Variants in SSBP3 observed in about 807,000 individuals in gnomAD.
The protein encoded by SSBP3 is single stranded DNA binding protein 3.
Under a neutral mutation model 69.6 loss-of-function variants are expected in SSBP3, and 5 were observed. The observed-to-expected ratio is 0.07, with a 90% confidence interval of 0.04 to 0.15. The LOEUF is 0.15. Ranked by LOEUF, SSBP3 falls within the 10% of genes least tolerant of loss-of-function variation. The pLI is 1.00. For synonymous variants in SSBP3, 196 were observed against 193.4 expected, an observed-to-expected ratio of 1.01 and a Z score of -0.11; for missense variants, 312 against 534.0, an observed-to-expected ratio of 0.58 and a Z score of 4.10.
chr1:54,394,744 C>A (rs999623938), intron 4 of SSBP3, among the ~76,000 whole-genome samples: 13 of 148,516 alleles, frequency 8.8e-5, no homozygotes, highest in African/African-American at 3.2e-4. Flanking sequence ...GCTCTGTCCC[C>A]CATGCTGGAG....
intron 4 of SSBP3, among the ~76,000 whole-genome samples, chr1:54,320,948 T>C (rs1646201459): frequency 6.6e-6 from 1 of 152,198 alleles, no homozygotes; most frequent in South Asian, 2.1e-4. Flanking sequence ...CAGGAAAGCT[T>C]TGCTGGGAAA....
At chr1:54,243,699 C>T (rs576839888) in intron 9 of SSBP3, among the ~76,000 whole-genome samples, 7 of 152,064 alleles carry the variant, frequency 4.6e-5, no homozygotes, top group Non-Finnish European at 8.8e-5. Flanking sequence ...GGCAGGGAGG[C>T]GAGGGGTGAG....
chr1:54,320,442 C>T (rs552753411), intron 4 of SSBP3, among the ~76,000 whole-genome samples: 2 of 152,206 alleles, frequency 1.3e-5, no homozygotes, highest in African/African-American at 4.8e-5. Flanking sequence ...CTCAGCCTCC[C>T]GAGTAGATGG....
At chr1:54,263,461 A>G (rs1023763932) in intron 5 of SSBP3, among the ~76,000 whole-genome samples, 2 of 152,162 alleles carry the variant, frequency 1.3e-5, no homozygotes, top group Non-Finnish European at 2.9e-5. Context: ...GGAAATGAGG[A>G]CTATTCCACA....
At chr1:54,305,680 A>G (rs1645887760) in intron 4 of SSBP3, among the ~76,000 whole-genome samples, 1 of 150,898 alleles carries the variant, frequency 6.6e-6, no homozygotes, top group African/African-American at 2.4e-5. Flanking sequence ...CCAGGCTGGT[A>G]CTTCTGAGCT....
chr1:54,356,514 G>A (rs1353946700), intron 4 of SSBP3: 1 of 152,228 alleles, frequency 6.6e-6, no homozygotes, highest in Admixed American at 6.5e-5. Flanking sequence ...GTGCCCTTGT[G>A]CTACAGAACA....
At chr1:54,255,578 G>C (rs1054069129) in intron 7 of SSBP3, 1 of 152,222 alleles carries the variant, frequency 6.6e-6, no homozygotes, top group African/African-American at 2.4e-5. Flanking sequence ...ACTTTGGGAA[G>C]TCACTCCTCC....
intron 14 of SSBP3, 171 bp downstream of exon 14, chr1:54,238,958 T>C (rs1237106361): frequency 7.4e-6 from 3 of 405,656 alleles, no homozygotes; most frequent in Non-Finnish European, 1.5e-5. Flanking sequence ...CTGCCGCCCA[T>C]GAAATGGGAA....
chr1:54,316,368 G>A (rs1240821765), intron 4 of SSBP3, among the ~76,000 whole-genome samples: 4 of 147,756 alleles, frequency 2.7e-5, no homozygotes, highest in East Asian at 2.1e-4. Context: ...GGCCGGGCGC[G>A]GTGGCTCACG....
chr1:54,234,790 G>A (rs1306304123), intron 14 of SSBP3, among the ~76,000 whole-genome samples: 2 of 151,294 alleles, frequency 1.3e-5, no homozygotes, highest in Non-Finnish European at 2.9e-5. Context: ...AAGAGATGGA[G>A]TCTGGCTCTG....
intron 4 of SSBP3, among the ~76,000 whole-genome samples, chr1:54,380,206 G>A (rs1387191805): frequency 6.6e-6 from 1 of 152,186 alleles, no homozygotes; most frequent in African/African-American, 2.4e-5. Flanking sequence ...CAGAGCAGCG[G>A]ACGCCACTGT....
chr1:54,239,465 C>T (rs895995117), intron 13 of SSBP3, among the ~76,000 whole-genome samples: 10 of 152,202 alleles, frequency 6.6e-5, no homozygotes, highest in African/African-American at 9.6e-5. Context: ...CACCCCACAC[C>T]GAATCTGGTC....
At chr1:54,266,567 G>A (rs975708978) in intron 5 of SSBP3, among the ~76,000 whole-genome samples, 15 of 152,070 alleles carry the variant, frequency 9.9e-5, no homozygotes, top group African/African-American at 3.4e-4. Context: ...CAAGACTGAA[G>A]AGGGAAAAAA....
Position 54,258,046 on chromosome 1 carries a change from C to T in SSBP3, c.447+23G>A, listed in dbSNP as rs1463027883. The T allele has an allele frequency of 6.4e-6, 10 of 1,568,084 alleles. No individual in the cohort carries two copies. The African/African-American group carries it at 6.7e-5, about 11-fold the overall frequency. ...CTCCGCGCCCCGCGTCCCCGGCGGG[C>T]GGGAGCGCCACGGTGCGTTTACCTG... On this transcript the variant is annotated intron_variant, in intron 6 of 17. Coordinates refer to ENST00000610401, the Ensembl canonical transcript of SSBP3. This position sits in a 1 kb window ranked among gnomAD's most constrained non-coding sequence, Gnocchi z 4.5.
chr1:54,241,725 C>T lies in SSBP3; in HGVS notation c.766-216G>A, dbSNP rs564976824. 4.6e-5 allele frequency among the ~76,000 whole-genome samples: 7 copies of T among 152,346 alleles called. No individual in the cohort carries two copies. In the East Asian group the frequency reaches 1.2e-3, roughly 25 times the overall value. On this transcript the variant is annotated intron_variant, in intron 11 of 17. Coordinates refer to ENST00000610401, the Ensembl canonical transcript of SSBP3. Reference sequence around the variant, plus strand: ...CCTGAGACCCTGGTCTCTTACTCCCCAGTCCTGGGAGGGAGCCACAGACAC... The same window carrying T: ...CCTGAGACCCTGGTCTCTTACTCCCTAGTCCTGGGAGGGAGCCACAGACAC...
chr1:54,228,005 G>C (rs994477333), intron 17 of SSBP3, among the ~76,000 whole-genome samples: 2 of 152,204 alleles, frequency 1.3e-5, no homozygotes, highest in Admixed American at 6.5e-5. Context: ...TCTCCCGGCC[G>C]TATCAGCTTA....
chr1:54,351,154 T>C (rs904212060), intron 4 of SSBP3, among the ~76,000 whole-genome samples: 2 of 152,106 alleles, frequency 1.3e-5, no homozygotes, highest in African/African-American at 4.8e-5. Flanking sequence ...TAATGAGAAT[T>C]TTCTGACCAG....
chr1:54,240,908 C>T (rs1018009964), exon 13 of SSBP3: 7 of 1,612,636 alleles, frequency 4.3e-6, no homozygotes, highest in South Asian at 1.1e-5. Context: ...CTCTTACCTG[C>T]GGGACTGGGC....
At chr1:54,297,323 GA>G (rs1258009826) in intron 4 of SSBP3, among the ~76,000 whole-genome samples, 3 of 152,178 alleles carry the variant, frequency 2.0e-5, no homozygotes, top group African/African-American at 7.2e-5. Flanking sequence ...CACAAATGAA[GA>G]AACAGACATA....
Sources: gnomAD v4.1 joint callset for allele counts (sites outside exome capture counted in the v4.1 genomes callset) on GRCh38, gnomAD v4.1.1 for gene constraint, Gnocchi (gnomAD v3.1) non-coding constraint, MANE v1.5 for transcripts, NCBI Gene and HGNC (gene_info 2026-07-23, HGNC 2026-07-21) for gene names.